Variants in DIDO1 observed in about 807,000 individuals in gnomAD.
DIDO1 encodes the protein death inducer-obliterator 1.
Under a neutral mutation model 99.4 loss-of-function variants are expected in DIDO1, and 16 were observed. The observed-to-expected ratio is 0.16, with a 90% confidence interval of 0.11 to 0.24. The LOEUF (loss-of-function observed/expected upper bound fraction) is 0.24, where lower values mean the gene tolerates loss of function less well. DIDO1 is among the 10% of genes least tolerant of loss of function. The probability of loss-of-function intolerance (pLI) is 1.00; values close to 1 mark genes in which losing one functional copy is unlikely to be tolerated. For synonymous variants in DIDO1, 1,366 were observed against 1,239.1 expected (o/e 1.10, Z -2.15); for missense variants, 2,996 against 3,014.0 (o/e 0.99, Z 0.14).
At position 62,878,350 on chromosome 20, in the gene DIDO1, T is replaced by C. The variant is rs1200497985; in HGVS notation, c.*883A>G. On this transcript the variant is annotated 3_prime_UTR_variant, in exon 16 of 16. Transcript: ENST00000395343. ...GTTCCCGTCTCAGACTTTACACAAGTCTTGTTCCACGTTCAAGGACAAACT... is the reference window on the plus strand; with the variant it reads ...GTTCCCGTCTCAGACTTTACACAAGCCTTGTTCCACGTTCAAGGACAAACT... 1 of 152,198 alleles carries C rather than the reference T, an allele frequency of 6.6e-6. No individual in the cohort carries two copies. The highest frequency in any genetic ancestry group is 1.5e-5 in the Non-Finnish European group (1 of 68,032). The allele number at this position is 152,198 out of a possible 1,614,324, so 9.4% of individuals were successfully genotyped here.
intron 1 of DIDO1, among the ~76,000 whole-genome samples, chr20:62,921,929 C>T (rs545011256): frequency 6.1e-5 from 9 of 147,688 alleles, no homozygotes; most frequent in African/African-American, 2.0e-4. Context: ...CTATATATGT[C>T]CAAAATATAT....
At chr20:62,889,544 T>C (rs1017895289) in intron 15 of DIDO1, 12 of 985,318 alleles carry the variant, frequency 1.2e-5, no homozygotes, top group Non-Finnish European at 9.6e-6. Flanking sequence ...GGTGCTGCAG[T>C]GTCTGCACTG....
chr20:62,918,760 G>C (rs1300474696), intron 1 of DIDO1, among the ~76,000 whole-genome samples: 2 of 152,162 alleles, frequency 1.3e-5, no homozygotes, highest in Non-Finnish European at 2.9e-5. Flanking sequence ...AATTCTGACA[G>C]GGTAGGCCAA....
chr20:62,878,381 A>G lies in DIDO1; in HGVS notation c.*852T>C, dbSNP rs777354788. On this transcript the variant is annotated 3_prime_UTR_variant, in exon 16 of 16. Coordinates refer to ENST00000395343, the MANE Select transcript of DIDO1 (RefSeq NM_001193369.2). ...TCCACGTTCAAGGACAAACTTTTAC[A>G]TGTATCGTCTGACAAATACCAGTTT... 3 of 152,236 alleles carry G rather than the reference A, an allele frequency of 2.0e-5. No homozygotes were observed. The highest frequency in any genetic ancestry group is 4.4e-5 in the Non-Finnish European group (3 of 68,050). 9.4% of individuals were successfully genotyped at this position (152,236 alleles called of 1,614,324 possible). A position where few individuals can be genotyped will look rare whatever the true frequency, so the allele number is the denominator to read the frequency against.
rs1242046619 is a variant in DIDO1, at chr20:62,896,379, C to T, written c.2068G>A (p.Asp690Asn). ...EILWKRVNDS[D>N]DLIMTENEVG... is the part of the protein sequence containing the mutation. Reference sequence around the variant, plus strand: ...TCGTTTTCTGTCATGATTAAGTCATCGCTGTCATTGACTCTGAACAGAATA... The same window carrying T: ...TCGTTTTCTGTCATGATTAAGTCATTGCTGTCATTGACTCTGAACAGAATA... The change falls in exon 8 of 16, where the codon GAT (aspartate) becomes AAT (asparagine). Residue 690 changes from aspartate (D) to asparagine (N), a missense_variant. By Grantham distance (23) the Asp-to-Asn change is conservative. Around this residue, in one of 5 missense-constraint regions of DIDO1, gnomAD observed 898 missense variants for 972.7 expected, o/e 0.92. Coordinates refer to ENST00000395343, the MANE Select transcript of DIDO1 (RefSeq NM_001193369.2). This position sits in a 1 kb window ranked among gnomAD's most constrained non-coding sequence, Gnocchi z 4.4. 1.2e-6 allele frequency: 2 copies of T among 1,613,808 alleles called. No individual in the cohort carries two copies. Among genetic ancestry groups the T allele is most frequent in the Non-Finnish European group, 1.7e-6 (2 of 1,180,006 alleles).
At chr20:62,929,697 A>G (rs532328511), upstream of DIDO1, among the ~76,000 whole-genome samples, 32 of 125,510 alleles carry the variant, frequency 2.5e-4, 2 homozygotes, top group East Asian at 7.6e-3. Flanking sequence ...GAAAAAGTGT[A>G]TATATATATA....
chr20:62,898,082 G>A (rs1029545065), intron 6 of DIDO1, among the ~76,000 whole-genome samples: 7 of 152,312 alleles, frequency 4.6e-5, no homozygotes, highest in Non-Finnish European at 8.8e-5. Context: ...GCCTAAATGG[G>A]AGAATGTGAC....
At position 62,880,231 on chromosome 20, in the gene DIDO1, G is replaced by A. The variant is rs933965423; in HGVS notation, c.5725C>T (p.Pro1909Ser). The A allele has an allele frequency of 3.1e-6, 5 of 1,612,328 alleles. No individual in the cohort carries two copies. The African/African-American group carries it at 4.0e-5, about 13-fold the overall frequency. ...CCTCTCTGACCTCCAAACTGAGAGGGAGGGGGGCCGCCTCGGGGGCCTTTC... is the reference window on the plus strand; with the variant it reads ...CCTCTCTGACCTCCAAACTGAGAGGAAGGGGGGCCGCCTCGGGGGCCTTTC... ...QLKGPRGGPPPSQFGGQRGPP... is the reference protein window; with the variant it reads ...QLKGPRGGPPSSQFGGQRGPP... Residue 1909 changes from proline (P) to serine (S), a missense_variant, in exon 16 of 16, where the codon CCC (proline) becomes TCC (serine). Pro to Ser is a moderately conservative substitution (Grantham distance 74). Transcript: ENST00000395343.
At position 62,914,229 on chromosome 20, in the gene DIDO1, T is replaced by C. The variant is rs1255757358; in HGVS notation, c.-22A>G. ...CCTTACCTGCTCCAACACTGAAAGC[T>C]TGGACACTTTTCCCTGAAATCCTAA... is the stretch of plus-strand genomic sequence containing the variant. On this transcript the variant is annotated 5_prime_UTR_variant, in exon 2 of 16. Transcript: ENST00000395343. The C allele has an allele frequency of 1.3e-5, 2 of 152,198 alleles. No homozygotes were observed. Among genetic ancestry groups the C allele is most frequent in the African/African-American group, 4.8e-5 (2 of 41,456 alleles). 9.4% of individuals were successfully genotyped at this position (152,198 alleles called of 1,614,324 possible).
intron 1 of DIDO1, among the ~76,000 whole-genome samples, chr20:62,921,581 TAAAAAC>T (rs2065136803): frequency 6.6e-6 from 1 of 151,998 alleles, no homozygotes; most frequent in Non-Finnish European, 1.5e-5. Context: ...GTTTCTTCTT[TAAAAAC>T]CCTTCTCTCA....
upstream of DIDO1, among the ~76,000 whole-genome samples, chr20:62,930,255 G>A (rs1006067363): frequency 2.0e-5 from 3 of 151,988 alleles, no homozygotes; most frequent in Admixed American, 6.5e-5. Context: ...TCTACCAAAG[G>A]GCAAATGCTA....
intron 6 of DIDO1, among the ~76,000 whole-genome samples, chr20:62,902,834 G>C (rs907651068): frequency 2.0e-5 from 3 of 152,236 alleles, no homozygotes; most frequent in African/African-American, 7.2e-5. Context: ...TGTAGAATCT[G>C]CTTTGCAGTC....
chr20:62,909,844 T>G lies in DIDO1; in HGVS notation c.1016A>C (p.Lys339Thr). ...GCCATCAGCATCTCCAGGTCTCCAT[T>G]TAGCTTCCTGCTGATCTGCCGTTTC... ...HSETADQQEA[K>T]WRPGDADGTD... Residue 339 changes from lysine (K) to threonine (T), a missense_variant, in exon 4 of 16, where the codon AAA becomes ACA. Coordinates refer to ENST00000395343, the MANE Select transcript of DIDO1 (RefSeq NM_001193369.2). The G allele has an allele frequency of 6.2e-7, 1 of 1,614,238 alleles. No homozygotes were observed. Among genetic ancestry groups the G allele is most frequent in the South Asian group, 1.1e-5 (1 of 91,084 alleles).
chr20:62,886,700 A>AC (rs2064302619), intron 15 of DIDO1, among the ~76,000 whole-genome samples: 1 of 152,090 alleles, frequency 6.6e-6, no homozygotes, highest in Admixed American at 6.6e-5. Flanking sequence ...TGAGGCCTTT[A>AC]CCCCTAAAGC....
At chr20:62,898,415 G>GC (rs2064585707) in intron 6 of DIDO1, among the ~76,000 whole-genome samples, 2 of 152,330 alleles carry the variant, frequency 1.3e-5, no homozygotes, top group South Asian at 4.1e-4. Flanking sequence ...TACAAAACTT[G>GC]CAACAGTACT....
rs748404289 is a variant in DIDO1 at position 62,879,246 on chromosome 20, G to A, written c.6710C>T (p.Ala2237Val). ...EASRASDAGTASQA is the reference protein window; with the variant it reads ...EASRASDAGTVSQA ...CGGCCGGGGCGTCTAGGCCTGCGAGGCGGTGCCAGCGTCGGAGGCCCTCGA... is the reference window on the plus strand; with the variant it reads ...CGGCCGGGGCGTCTAGGCCTGCGAGACGGTGCCAGCGTCGGAGGCCCTCGA... The change falls in exon 16 of 16, where the codon GCC (alanine) becomes GTC (valine). Residue 2237 changes from alanine to valine, a missense_variant. Ala to Val is a moderately conservative substitution (Grantham distance 64). Transcript: ENST00000395343. The surrounding 1 kb of genome is among the most constrained non-coding windows in gnomAD (Gnocchi z 6.3). The A allele has an allele frequency of 2.0e-6, 3 of 1,533,454 alleles. No individual in the cohort carries two copies. Among genetic ancestry groups the A allele is most frequent in the Admixed American group, 2.1e-5 (1 of 48,232 alleles). 95.0% of individuals were successfully genotyped at this position (1,533,454 alleles called of 1,614,324 possible). A position where few individuals can be genotyped will look rare whatever the true frequency, so the allele number is the denominator to read the frequency against.
chr20:62,910,994 C>T lies in DIDO1; in HGVS notation c.619G>A (p.Asp207Asn), dbSNP rs544324014. The T allele has an allele frequency of 5.6e-6, 9 of 1,614,122 alleles. No individual in the cohort carries two copies. The East Asian group carries it at 2.0e-4, about 36-fold the overall frequency. ...PAETVGSEAS[D>N]TVEGVLPSKQ... ...CTGGGCAGGACGCCCTCCACAGTGT[C>T]ACTGGCCTCGGAGCCCACAGTCTCG... is the stretch of plus-strand genomic sequence containing the variant. Residue 207 changes from aspartate (D) to asparagine (N), a missense_variant, in exon 3 of 16, where the codon GAC (aspartate) becomes AAC (asparagine). By Grantham distance (23) the Asp-to-Asn change is conservative. Coordinates refer to ENST00000395343, the MANE Select transcript of DIDO1 (RefSeq NM_001193369.2).
intron 1 of DIDO1, among the ~76,000 whole-genome samples, chr20:62,924,991 G>A (rs559270119): frequency 2.6e-5 from 4 of 152,320 alleles, no homozygotes; most frequent in African/African-American, 9.6e-5. Context: ...CAGCAAGTAG[G>A]AAAACAAGTG....
At chr20:62,915,427 G>A (rs2065020620) in intron 1 of DIDO1, among the ~76,000 whole-genome samples, 1 of 152,144 alleles carries the variant, frequency 6.6e-6, no homozygotes, top group African/African-American at 2.4e-5. Context: ...ATTCAGAAAC[G>A]ACTGCTCAGA....
Sources: allele counts gnomAD v4.1 joint callset (sites outside exome capture counted in the v4.1 genomes callset), GRCh38; gene constraint gnomAD v4.1.1; regional missense constraint gnomAD v4.1.1; non-coding constraint Gnocchi (gnomAD v3.1); transcripts MANE v1.5; gene names NCBI Gene and HGNC (gene_info 2026-07-23, HGNC 2026-07-21).